Variants in OPCML observed in about 807,000 individuals in gnomAD.
OPCML encodes the protein opioid-binding protein/cell adhesion molecule.
Under a neutral mutation model 37.8 loss-of-function variants are expected in OPCML, and 13 were observed. The observed-to-expected ratio is 0.34, with a 90% CI of 0.22 to 0.55. The LOEUF (loss-of-function observed/expected upper bound fraction) is 0.55, where lower values mean the gene tolerates loss of function less well. Among genes scored for constraint, OPCML ranks in the 20% least tolerant of loss-of-function variants. OPCML has a pLI of 0.91. For synonymous variants in OPCML, 176 were observed against 168.8 expected, an observed-to-expected ratio of 1.04 and a Z score of -0.33; for missense variants, 341 against 435.6, an observed-to-expected ratio of 0.78 and a Z score of 1.93.
chr11:133,052,859 C>G (rs1237072319), intron 1 of OPCML, among the ~76,000 whole-genome samples: 2 of 152,216 alleles, frequency 1.3e-5, no homozygotes, highest in Non-Finnish European at 2.9e-5. Flanking sequence ...GAGGCCTGAG[C>G]CCAGGGATGG....
intron 2 of OPCML, among the ~76,000 whole-genome samples, chr11:132,942,175 T>G (rs895026615): frequency 6.6e-6 from 1 of 152,210 alleles, no homozygotes; most frequent in African/African-American, 2.4e-5. Flanking sequence ...AAGTATCTGC[T>G]GCAGCAAGTC....
intron 4 of OPCML, among the ~76,000 whole-genome samples, chr11:132,474,553 T>C (rs1565593023): frequency 1.3e-5 from 2 of 152,268 alleles, no homozygotes; most frequent in South Asian, 4.1e-4. Context: ...CTTATCAAGA[T>C]TGAATGTGTT....
intron 1 of OPCML, among the ~76,000 whole-genome samples, chr11:133,467,755 G>A (rs1351817463): frequency 2.0e-5 from 3 of 152,124 alleles, no homozygotes; most frequent in Non-Finnish European, 4.4e-5. Context: ...CTTCTTCTGT[G>A]ACACTACCAA....
chr11:133,034,718 G>A (rs2136931537), intron 1 of OPCML, among the ~76,000 whole-genome samples: 1 of 151,452 alleles, frequency 6.6e-6, no homozygotes, highest in South Asian at 2.1e-4. Context: ...TGACTGAGAA[G>A]TAAGTGCTTA....
At chr11:133,071,045 A>AG (rs1184734103) in intron 1 of OPCML, among the ~76,000 whole-genome samples, 14 of 152,344 alleles carry the variant, frequency 9.2e-5, no homozygotes, top group Non-Finnish European at 1.5e-4. Context: ...ATCTCCCTGC[A>AG]GGGTACGTTC....
At chr11:132,446,096 C>T (rs1365058162) in intron 4 of OPCML, among the ~76,000 whole-genome samples, 32 of 112,664 alleles carry the variant, frequency 2.8e-4, no homozygotes, top group African/African-American at 1.1e-3. Context: ...CTTGGCTCTG[C>T]TTGTGTCTTT....
intron 2 of OPCML, among the ~76,000 whole-genome samples, chr11:132,748,784 G>A (rs980328304): frequency 6.6e-6 from 1 of 152,208 alleles, no homozygotes; most frequent in African/African-American, 2.4e-5. Context: ...GAGAGGATCT[G>A]TGCTGGAGGG....
intron 3 of OPCML, among the ~76,000 whole-genome samples, chr11:132,590,597 C>G (rs1040446224): frequency 6.6e-6 from 1 of 152,144 alleles, no homozygotes; most frequent in African/African-American, 2.4e-5. Context: ...TCACGTTTTA[C>G]AGATAAAGTC....
intron 2 of OPCML, among the ~76,000 whole-genome samples, chr11:132,890,272 A>G (rs1391920047): frequency 6.6e-6 from 1 of 152,188 alleles, no homozygotes; most frequent in Non-Finnish European, 1.5e-5. Context: ...TTCACTGACA[A>G]TATCTTTCTT....
At chr11:132,437,476 G>A in intron 4 of OPCML, 117 bp from the exon 5 acceptor site, 3 of 1,505,732 alleles carry the variant, frequency 2.0e-6, no homozygotes, top group Non-Finnish European at 2.6e-6. Flanking sequence ...GAATGGAGTA[G>A]GACATCAAGT....
chr11:133,343,280 T>C (rs1261125449), intron 1 of OPCML, among the ~76,000 whole-genome samples: 7 of 152,326 alleles, frequency 4.6e-5, no homozygotes, highest in Middle Eastern at 3.4e-3. Context: ...GGGTTCTTTG[T>C]GTTGCCCATC....
At chr11:132,850,022 T>G (rs186443824) in intron 2 of OPCML, among the ~76,000 whole-genome samples, 2 of 152,334 alleles carry the variant, frequency 1.3e-5, no homozygotes, top group African/African-American at 4.8e-5. Context: ...TACTGTCATC[T>G]TTAACCTGAG....
chr11:132,506,952 A>T (rs2096258371), intron 4 of OPCML, among the ~76,000 whole-genome samples: 1 of 152,090 alleles, frequency 6.6e-6, no homozygotes, highest in African/African-American at 2.4e-5. Context: ...AACAGAATAT[A>T]TTTCTGCTCT....
At chr11:132,496,052 G>A (rs1181956474) in intron 4 of OPCML, among the ~76,000 whole-genome samples, 1 of 152,162 alleles carries the variant, frequency 6.6e-6, no homozygotes, top group East Asian at 1.9e-4. Context: ...CCTGAGGCAT[G>A]GACAGTGTTG....
chr11:132,965,215 C>T (rs565482962), intron 1 of OPCML, among the ~76,000 whole-genome samples: 88 of 152,226 alleles, frequency 5.8e-4, no homozygotes, highest in African/African-American at 9.9e-4. Flanking sequence ...AAATAAGTAC[C>T]GAAGTGTTCC....
chr11:133,191,779 C>A (rs1005110788), intron 1 of OPCML, among the ~76,000 whole-genome samples: 1 of 152,142 alleles, frequency 6.6e-6, no homozygotes, highest in Non-Finnish European at 1.5e-5. Context: ...CAGGTGTGAG[C>A]CCCCATGCCT....
intron 1 of OPCML, among the ~76,000 whole-genome samples, chr11:133,291,447 G>A (rs979499712): frequency 1.9e-4 from 29 of 152,308 alleles, no homozygotes; most frequent in African/African-American, 6.7e-4. Flanking sequence ...TTCCCTTGGT[G>A]GTCAGCCTGC....
At chr11:132,927,516 C>T (rs947876379) in intron 2 of OPCML, among the ~76,000 whole-genome samples, 5 of 152,064 alleles carry the variant, frequency 3.3e-5, no homozygotes. Context: ...AAGACATCCC[C>T]ATATAAACAA....
intron 2 of OPCML, among the ~76,000 whole-genome samples, chr11:132,711,680 TATG>T (rs780094560): frequency 6.6e-6 from 1 of 152,194 alleles, no homozygotes; most frequent in African/African-American, 2.4e-5. Flanking sequence ...TATGTGTGTG[TATG>T]ATATTTTAGT....
Sources: allele counts gnomAD v4.1 joint callset (sites outside exome capture counted in the v4.1 genomes callset), GRCh38; gene constraint gnomAD v4.1.1; transcripts MANE v1.5; gene names NCBI Gene and HGNC (gene_info 2026-07-23, HGNC 2026-07-21).